Variants in ABCG8 observed in about 807,000 individuals in gnomAD.
ABCG8 encodes ATP binding cassette subfamily G member 8, also known as ATP-binding cassette sub-family G member 8.
Under a neutral mutation model 71.3 loss-of-function variants are expected in ABCG8, and 81 were observed. The ratio of observed to expected loss-of-function variants is 1.14; its 90% CI spans 0.95 to 1.37. The LOEUF (loss-of-function observed/expected upper bound fraction) is 1.37. Ranked by LOEUF, ABCG8 falls within the 40% of genes most tolerant of loss-of-function variation. The pLI, the probability that ABCG8 is intolerant of heterozygous loss-of-function variation, is 0.00. For missense variants in ABCG8, 1,119 were observed against 866.2 expected, an observed-to-expected ratio of 1.29 and a Z score of -3.66; for synonymous variants, 451 against 354.7, an observed-to-expected ratio of 1.27 and a Z score of -3.05.
chr2:43,872,687 C>G (rs72798838), intron 8 of ABCG8, among the ~76,000 whole-genome samples: 8,141 of 152,240 alleles, frequency 0.053, 265 homozygotes, highest in Middle Eastern at 0.11. Context: ...CCAGCCTAGG[C>G]AGCAGAGCAA....
At position 43,873,824 on chromosome 2, in the gene ABCG8, C is replaced by G. The variant is rs749677968; in HGVS notation, c.1249C>G (p.Leu417Val). 15 of 1,614,068 alleles carry G rather than the reference C, an allele frequency of 9.3e-6. No homozygotes were observed. In the South Asian group the frequency reaches 1.6e-4, roughly 18 times the overall value. The change falls in exon 9 of 13, where the codon CTC (leucine) becomes GTC (valine). Residue 417 changes from leucine to valine, a missense_variant. Transcript: ENST00000272286. ...ISNDFRDLPTLLIHGAEACLM... is the reference protein window; with the variant it reads ...ISNDFRDLPTVLIHGAEACLM... Reference sequence around the variant, plus strand: ...CAACGACTTCCGAGACCTGCCCACCCTCCTCATCCATGGGGCGGAGGCCTG... The same window carrying G: ...CAACGACTTCCGAGACCTGCCCACCGTCCTCATCCATGGGGCGGAGGCCTG...
At chr2:43,870,722 T>C (rs2104943468) in intron 6 of ABCG8, among the ~76,000 whole-genome samples, 1 of 152,006 alleles carries the variant, frequency 6.6e-6, no homozygotes, top group African/African-American at 2.4e-5. Flanking sequence ...ACTATCTGTC[T>C]GGAAAGAATC....
chr2:43,858,010 A>T lies in ABCG8; in HGVS notation c.964+5142A>T, dbSNP rs1669172883. On this transcript the variant is annotated intron_variant, in intron 6 of 12. Coordinates refer to ENST00000272286, the MANE Select transcript of ABCG8 (RefSeq NM_022437.3). ...TATCTATAGAATTCTCACTCTCTAGATAGAACTCTCAATATATATCTGGAT... is the reference window on the plus strand; with the variant it reads ...TATCTATAGAATTCTCACTCTCTAGTTAGAACTCTCAATATATATCTGGAT... Among the ~76,000 whole-genome samples the T allele has an allele frequency of 4.6e-5, 7 of 151,414 alleles. No homozygotes were observed. In the South Asian group the frequency reaches 1.5e-3, roughly 31 times the overall value.
intron 6 of ABCG8, among the ~76,000 whole-genome samples, chr2:43,862,274 A>G (rs1248511440): frequency 6.8e-6 from 1 of 147,136 alleles, no homozygotes; most frequent in Non-Finnish European, 1.5e-5. Flanking sequence ...AACTCTCACT[A>G]TCTGGGTAGT....
intron 1 of ABCG8, among the ~76,000 whole-genome samples, chr2:43,844,006 A>T (rs1330534138): frequency 6.6e-6 from 1 of 152,152 alleles, no homozygotes; most frequent in Non-Finnish European, 1.5e-5. Context: ...TCAGGGTGGT[A>T]TCTTCATGAA....
Position 43,873,848 on chromosome 2 carries a change from T to A in ABCG8, c.1273T>A (p.Cys425Ser). The A allele has an allele frequency of 1.2e-6, 2 of 1,614,146 alleles. No individual in the cohort carries two copies. Among genetic ancestry groups the A allele is most frequent in the Non-Finnish European group, 1.7e-6 (2 of 1,180,030 alleles). The change falls in exon 9 of 13, where the codon TGT becomes AGT. Residue 425 changes from cysteine (C) to serine (S), a missense_variant. Cys to Ser is a moderately radical substitution (Grantham distance 112, BLOSUM62 -1). Coordinates refer to ENST00000272286, the MANE Select transcript of ABCG8 (RefSeq NM_022437.3). Reference protein sequence around the residue: ...PTLLIHGAEACLMSMTIGFLY... With the variant: ...PTLLIHGAEASLMSMTIGFLY... ...CCTCCTCATCCATGGGGCGGAGGCCTGTCTGATGTCAATGACCATCGGCTT... is the reference window on the plus strand; with the variant it reads ...CCTCCTCATCCATGGGGCGGAGGCCAGTCTGATGTCAATGACCATCGGCTT...
chr2:43,879,566 C>T lies in ABCG8; in HGVS notation c.*1653C>T, dbSNP rs1670065405. On this transcript the variant is annotated 3_prime_UTR_variant, in exon 13 of 13. Coordinates refer to ENST00000272286, the MANE Select transcript of ABCG8 (RefSeq NM_022437.3). ...TCAGGATGCTTGCACGGTCATGTTGCCACCATCCAACCTGCAGACCCCATT... is the reference window on the plus strand; with the variant it reads ...TCAGGATGCTTGCACGGTCATGTTGTCACCATCCAACCTGCAGACCCCATT... 6.6e-6 allele frequency: 1 copy of T among 152,204 alleles called. No homozygotes were observed. The highest frequency in any genetic ancestry group is 2.4e-5 in the African/African-American group (1 of 41,442). 9.4% of individuals were successfully genotyped at this position (152,204 alleles called of 1,614,324 possible). A position where few individuals can be genotyped will look rare whatever the true frequency, so the allele number is the denominator to read the frequency against.
At chr2:43,855,755 C>T (rs72796760) in intron 6 of ABCG8, among the ~76,000 whole-genome samples, 8,188 of 141,314 alleles carry the variant, frequency 0.058, 270 homozygotes, top group Middle Eastern at 0.14. Flanking sequence ...GAACTCTCAC[C>T]ATCTAAATAT....
At chr2:43,856,958 A>G (rs528891444) in intron 6 of ABCG8, among the ~76,000 whole-genome samples, 1 of 151,160 alleles carries the variant, frequency 6.6e-6, no homozygotes, top group African/African-American at 2.4e-5. Flanking sequence ...TAGAACTCTC[A>G]GTGTCTTTCT....
rs1173493452 is a variant in ABCG8, at chr2:43,881,165, G to A, written c.*3252G>A. ...GAGTTCACCATTCGGTCTGCAATGG[G>A]TTTTGGTAACTCAGTGGCTCTGTAT... is the stretch of plus-strand genomic sequence containing the variant. On this transcript the variant is annotated 3_prime_UTR_variant, in exon 13 of 13. Coordinates refer to ENST00000272286, the MANE Select transcript of ABCG8 (RefSeq NM_022437.3). 1.3e-5 allele frequency: 2 copies of A among 152,310 alleles called. No homozygotes were observed. Among genetic ancestry groups the A allele is most frequent in the Non-Finnish European group, 2.9e-5 (2 of 68,074 alleles). The allele number at this position is 152,310 out of a possible 1,614,324, so 9.4% of individuals were successfully genotyped here. A position where few individuals can be genotyped will look rare whatever the true frequency, so the allele number is the denominator to read the frequency against.
intron 6 of ABCG8, among the ~76,000 whole-genome samples, chr2:43,860,289 T>C (rs1669263810): frequency 6.6e-6 from 1 of 150,760 alleles, no homozygotes; most frequent in African/African-American, 2.4e-5. Context: ...TCTTACACTC[T>C]GGATAGAACT....
intron 6 of ABCG8, among the ~76,000 whole-genome samples, chr2:43,854,263 A>G (rs1386144283): frequency 1.3e-5 from 2 of 152,194 alleles, no homozygotes; most frequent in African/African-American, 2.4e-5. Context: ...ACAGTGCTGC[A>G]CACTAGGGGG....
chr2:43,867,431 C>A (rs1669569669), intron 6 of ABCG8, among the ~76,000 whole-genome samples: 1 of 152,062 alleles, frequency 6.6e-6, no homozygotes, highest in South Asian at 2.1e-4. Flanking sequence ...CTCTCACTCT[C>A]TATCTGGATA....
intron 1 of ABCG8, 58 bp from the exon 2 acceptor site, chr2:43,844,449 T>G: frequency 7.1e-7 from 1 of 1,416,864 alleles, no homozygotes; most frequent in Non-Finnish European, 1.0e-6. Flanking sequence ...CCTTCTTGTC[T>G]TCTCCTATGT....
At position 43,862,294 on chromosome 2, in the gene ABCG8, C is replaced by G. The variant is rs550512470; in HGVS notation, c.964+9426C>G. ...TCACTATCTGGGTAGTATTCTCACT[C>G]TCTTGGTAGAACTCTCACTATCTAT... On this transcript the variant is annotated intron_variant, in intron 6 of 12. Transcript: ENST00000272286. 3.0e-4 allele frequency among the ~76,000 whole-genome samples: 42 copies of G among 140,278 alleles called. No individual in the cohort carries two copies. The South Asian group carries it at 9.0e-3, about 30-fold the overall frequency. 92.0% of individuals were successfully genotyped at this position (140,278 alleles called of 152,430 possible).
At chr2:43,868,400 C>T (rs1669611596) in intron 6 of ABCG8, among the ~76,000 whole-genome samples, 5 of 150,472 alleles carry the variant, frequency 3.3e-5, no homozygotes, top group Non-Finnish European at 7.4e-5. Flanking sequence ...CTGGATAGAA[C>T]TCTCACTATC....
chr2:43,853,405 A>T (rs1668993988), intron 6 of ABCG8, among the ~76,000 whole-genome samples: 1 of 152,170 alleles, frequency 6.6e-6, no homozygotes, highest in Admixed American at 6.5e-5. Context: ...AGGGAGCATG[A>T]GCCGCTTCCT....
chr2:43,876,016 C>T (rs1669947801), intron 11 of ABCG8, among the ~76,000 whole-genome samples: 1 of 152,188 alleles, frequency 6.6e-6, no homozygotes, highest in South Asian at 2.1e-4. Flanking sequence ...CAGGGCTTTC[C>T]TGATGCACCC....
chr2:43,878,221 G>C lies in ABCG8; in HGVS notation c.*308G>C. 2 of 404,438 alleles carry C rather than the reference G, an allele frequency of 4.9e-6. No individual in the cohort carries two copies. Among genetic ancestry groups the C allele is most frequent in the South Asian group, 2.1e-5 (1 of 47,832 alleles). 25.1% of individuals were successfully genotyped at this position (404,438 alleles called of 1,614,324 possible). On this transcript the variant is annotated 3_prime_UTR_variant, in exon 13 of 13. Transcript: ENST00000272286. ...GCATTTATATAGGCAACTCGATATA[G>C]GATGGGAGCAAACTAGGAATGAATT...
Sources: allele counts gnomAD v4.1 joint callset (sites outside exome capture counted in the v4.1 genomes callset), GRCh38; gene constraint gnomAD v4.1.1; transcripts MANE v1.5; gene names NCBI Gene and HGNC (gene_info 2026-07-23, HGNC 2026-07-21).